Variants in AGBL4 observed in about 807,000 individuals in gnomAD.
The protein encoded by AGBL4 is cytosolic carboxypeptidase 6.
In AGBL4, 58 loss-of-function variants were observed where a neutral mutation model predicts 66.4. The ratio of observed to expected loss-of-function variants is 0.87; its 90% CI spans 0.71 to 1.09. The LOEUF (loss-of-function observed/expected upper bound fraction) is 1.09. Ranked by LOEUF, AGBL4 falls within the 50% of genes least tolerant of loss-of-function variation. The pLI, the probability that AGBL4 is intolerant of heterozygous loss-of-function variation, is 0.00. For synonymous variants in AGBL4, 234 were observed against 222.9 expected, an observed-to-expected ratio of 1.05 and a Z score of -0.44; for missense variants, 579 against 631.0, an observed-to-expected ratio of 0.92 and a Z score of 0.88.
chr1:48,670,835 G>T (rs953144859), intron 6 of AGBL4, among the ~76,000 whole-genome samples: 5 of 152,224 alleles, frequency 3.3e-5, no homozygotes, highest in Non-Finnish European at 7.3e-5. Context: ...GGGTTCCTGG[G>T]AAACAGACTC....
chr1:48,644,563 A>T (rs1055526740), intron 8 of AGBL4, among the ~76,000 whole-genome samples: 9 of 152,168 alleles, frequency 5.9e-5, no homozygotes, highest in African/African-American at 1.9e-4. Context: ...AAAAGAAGAG[A>T]GGGAAGAAAC....
chr1:48,869,174 C>T (rs965194818), intron 5 of AGBL4, among the ~76,000 whole-genome samples: 1 of 152,220 alleles, frequency 6.6e-6, no homozygotes, highest in African/African-American at 2.4e-5. Flanking sequence ...CCTGCCAACT[C>T]ATAATTCATT....
intron 8 of AGBL4, among the ~76,000 whole-genome samples, chr1:48,652,348 G>A (rs1234696272): frequency 2.6e-5 from 4 of 152,218 alleles, no homozygotes; most frequent in Non-Finnish European, 5.9e-5. Context: ...TTAATGGGAT[G>A]AAGAAGGGAT....
chr1:49,577,117 C>A (rs1003705364), intron 3 of AGBL4, among the ~76,000 whole-genome samples: 1 of 152,154 alleles, frequency 6.6e-6, no homozygotes, highest in African/African-American at 2.4e-5. Context: ...AATTTGGGGA[C>A]AAGGTATGTG....
chr1:49,070,555 A>G lies in AGBL4; in HGVS notation c.378-24755T>C, dbSNP rs12057163. Among the ~76,000 whole-genome samples, 501 of 152,088 alleles carry G rather than the reference A, an allele frequency of 3.3e-3. 15 individuals are homozygous for G. Among genetic ancestry groups the G allele is most frequent in the African/African-American group, 0.011 (455 of 41,352 alleles). ...ATGTTTATTGATTTGCATATGTTGA[A>G]CCAGCCTTGCATCCCAGGGATGAAA... is the stretch of plus-strand genomic sequence containing the variant. On this transcript the variant is annotated intron_variant, in intron 4 of 13. Coordinates refer to ENST00000371839, the MANE Select transcript of AGBL4 (RefSeq NM_032785.4).
chr1:49,744,211 C>T (rs1328920674), intron 2 of AGBL4, among the ~76,000 whole-genome samples: 1 of 152,054 alleles, frequency 6.6e-6, no homozygotes, highest in Non-Finnish European at 1.5e-5. Flanking sequence ...AATGGTTTAG[C>T]ACCATCTCCT....
chr1:49,966,123 T>C (rs1424748979), intron 1 of AGBL4, among the ~76,000 whole-genome samples: 1 of 151,936 alleles, frequency 6.6e-6, no homozygotes, highest in Non-Finnish European at 1.5e-5. Context: ...TTTGTATTTT[T>C]AGTAGAGACA....
chr1:49,787,851 A>G (rs534639065), intron 2 of AGBL4, among the ~76,000 whole-genome samples: 1 of 152,262 alleles, frequency 6.6e-6, no homozygotes, highest in African/African-American at 2.4e-5. Flanking sequence ...GCTCGCCTGC[A>G]CATAGAAACC....
chr1:48,995,113 T>A (rs1660901668), intron 5 of AGBL4, among the ~76,000 whole-genome samples: 1 of 152,174 alleles, frequency 6.6e-6, no homozygotes. Flanking sequence ...CTCTCTTCAT[T>A]CCTCCAGCCC....
chr1:48,757,811 T>C (rs528905857), intron 6 of AGBL4, among the ~76,000 whole-genome samples: 2 of 152,330 alleles, frequency 1.3e-5, no homozygotes, highest in South Asian at 4.1e-4. Context: ...ATTTAAACTT[T>C]GGGGATATTT....
intron 6 of AGBL4, among the ~76,000 whole-genome samples, chr1:48,763,527 A>G (rs1399465843): frequency 6.6e-6 from 1 of 152,044 alleles, no homozygotes; most frequent in Non-Finnish European, 1.5e-5. Flanking sequence ...AAAGAGAGAG[A>G]GACGATGAGG....
intron 1 of AGBL4, among the ~76,000 whole-genome samples, chr1:49,864,938 A>C (rs942496715): frequency 6.6e-6 from 1 of 152,110 alleles, no homozygotes; most frequent in Non-Finnish European, 1.5e-5. Context: ...GGCTGGGCAA[A>C]TTGGACCCAG....
At chr1:49,078,133 C>G (rs1019462363) in intron 4 of AGBL4, among the ~76,000 whole-genome samples, 1 of 152,122 alleles carries the variant, frequency 6.6e-6, no homozygotes, top group Non-Finnish European at 1.5e-5. Context: ...CTGACCAATA[C>G]TCTAACCCTG....
chr1:49,132,173 G>A (rs1645911481), intron 4 of AGBL4, among the ~76,000 whole-genome samples: 1 of 151,958 alleles, frequency 6.6e-6, no homozygotes, highest in African/African-American at 2.4e-5. Context: ...ATAAATTTAG[G>A]ACAGTGTGGT....
At position 49,928,389 on chromosome 1, in the gene AGBL4, T is replaced by A. The variant is rs768051207; in HGVS notation, c.35-76871A>T. Reference sequence around the variant, plus strand: ...CCTCAGCCTCCCAAGTAGCTGGGACTACAGGTGAGTGCCACTGTGCCCAGC... The same window carrying A: ...CCTCAGCCTCCCAAGTAGCTGGGACAACAGGTGAGTGCCACTGTGCCCAGC... On this transcript the variant is annotated intron_variant, in intron 1 of 13. Transcript: ENST00000371839. Among the ~76,000 whole-genome samples the A allele has an allele frequency of 2.0e-5, 3 of 152,154 alleles. No individual in the cohort carries two copies. In the South Asian group the frequency reaches 6.2e-4, roughly 31 times the overall value.
intron 6 of AGBL4, among the ~76,000 whole-genome samples, chr1:48,695,059 G>A (rs1251768560): frequency 6.6e-6 from 1 of 152,188 alleles, no homozygotes; most frequent in Non-Finnish European, 1.5e-5. Context: ...TCAAGAGCAC[G>A]AGATTCTGTT....
chr1:48,544,688 G>A (rs1393266533), intron 11 of AGBL4, among the ~76,000 whole-genome samples: 1 of 152,066 alleles, frequency 6.6e-6, no homozygotes, highest in Non-Finnish European at 1.5e-5. Context: ...CTGGAATCCC[G>A]AGCCTCCATG....
intron 5 of AGBL4, among the ~76,000 whole-genome samples, chr1:48,913,043 C>T (rs1653276251): frequency 1.3e-5 from 2 of 152,050 alleles, no homozygotes; most frequent in South Asian, 4.2e-4. Context: ...AAGCAAGATG[C>T]ATTCAAATAA....
At chr1:49,213,860 T>C (rs1648866613) in intron 4 of AGBL4, among the ~76,000 whole-genome samples, 2 of 152,032 alleles carry the variant, frequency 1.3e-5, no homozygotes, top group South Asian at 4.1e-4. Context: ...TGAGGTATTC[T>C]CTCCAGACCA....
Sources: gnomAD v4.1 joint callset for allele counts (sites outside exome capture counted in the v4.1 genomes callset) on GRCh38, gnomAD v4.1.1 for gene constraint, MANE v1.5 for transcripts, NCBI Gene and HGNC (gene_info 2026-07-23, HGNC 2026-07-21) for gene names.